ST3GAL3: variants seen among roughly 807,000 people sequenced by gnomAD.
ST3GAL3 encodes ST3 beta-galactoside alpha-2,3-sialyltransferase 3.
ST3GAL3 carries 21 observed loss-of-function variants against 50.1 expected under a neutral mutation model. That is an observed-to-expected ratio of 0.42 (90% confidence interval 0.30 to 0.60). The LOEUF (loss-of-function observed/expected upper bound fraction) is 0.60, where lower values mean the gene tolerates loss of function less well. Among genes scored for constraint, ST3GAL3 ranks in the 20% least tolerant of loss-of-function variants. The pLI is 0.19. For missense variants in ST3GAL3, 353 were observed against 489.4 expected (o/e 0.72, Z 2.63); for synonymous variants, 183 against 190.0 (o/e 0.96, Z 0.30).
At chr1:43,916,522 A>G (rs1365901120) in intron 9 of ST3GAL3, 1 of 152,274 alleles carries the variant, frequency 6.6e-6, no homozygotes, top group South Asian at 2.1e-4. Context: ...TGGGAAAACT[A>G]GAAACAATTT....
chr1:43,831,539 G>T (rs2063549732), intron 4 of ST3GAL3: 1 of 152,208 alleles, frequency 6.6e-6, no homozygotes. Context: ...ATCATTGCTG[G>T]AAAGTTTCAT....
intron 10 of ST3GAL3, 109 bp from the exon 11 acceptor site, chr1:43,920,673 G>A (rs1256525930): frequency 6.8e-6 from 11 of 1,608,898 alleles, no homozygotes; most frequent in Non-Finnish European, 7.7e-6. Flanking sequence ...AGAGGGCTCA[G>A]TCCTTGGGCA....
At chr1:43,886,703 A>G (rs763660227) in intron 5 of ST3GAL3, among the ~76,000 whole-genome samples, 6 of 152,180 alleles carry the variant, frequency 3.9e-5, no homozygotes, top group Admixed American at 3.3e-4. Context: ...TAAAATCTAG[A>G]TTGCATTAGA....
At chr1:43,893,518 T>G (rs1037057760) in intron 5 of ST3GAL3, among the ~76,000 whole-genome samples, 1 of 149,996 alleles carries the variant, frequency 6.7e-6, no homozygotes, top group Non-Finnish European at 1.5e-5. Context: ...TGCTGCACCT[T>G]CTCCCTCTTC....
At chr1:43,835,033 C>A (rs2064104323) in intron 4 of ST3GAL3, among the ~76,000 whole-genome samples, 1 of 152,138 alleles carries the variant, frequency 6.6e-6, no homozygotes, top group Non-Finnish European at 1.5e-5. Flanking sequence ...ATCTGGATTT[C>A]CTCTTGTGAG....
intron 5 of ST3GAL3, chr1:43,839,468 C>T (rs1198985629): frequency 3.3e-5 from 5 of 152,074 alleles, no homozygotes; most frequent in Non-Finnish European, 7.4e-5. Context: ...ATATAGGTTT[C>T]GTTTGCTTTT....
intron 9 of ST3GAL3, among the ~76,000 whole-genome samples, chr1:43,917,615 TATTATATTATATATAA>T (rs1484760772): frequency 1.3e-5 from 1 of 75,078 alleles, no homozygotes; most frequent in Non-Finnish European, 2.4e-5. Flanking sequence ...ATATATTATA[TATTATATTATATATAA>T]TATATAATAT....
At chr1:43,834,169 A>G (rs967799564) in intron 4 of ST3GAL3, among the ~76,000 whole-genome samples, 1 of 152,092 alleles carries the variant, frequency 6.6e-6, no homozygotes, top group Non-Finnish European at 1.5e-5. Flanking sequence ...TCAGAAAACA[A>G]ACACAACAAA....
chr1:43,907,605 A>G (rs897574306), intron 9 of ST3GAL3, among the ~76,000 whole-genome samples: 1 of 152,110 alleles, frequency 6.6e-6, no homozygotes, highest in African/African-American at 2.4e-5. Context: ...CCTGCTTCCC[A>G]TCTACAAACT....
At chr1:43,804,140 C>T (rs2059621214) in intron 3 of ST3GAL3, among the ~76,000 whole-genome samples, 1 of 152,170 alleles carries the variant, frequency 6.6e-6, no homozygotes, top group African/African-American at 2.4e-5. Flanking sequence ...ACTTTCATGC[C>T]ACTACCCGAG....
chr1:43,719,297 A>G (rs1669106585), intron 1 of ST3GAL3, among the ~76,000 whole-genome samples: 1 of 152,214 alleles, frequency 6.6e-6, no homozygotes, highest in African/African-American at 2.4e-5. Flanking sequence ...AGGGGAGTGT[A>G]GATCAAAACT....
chr1:43,841,651 T>C (rs2065397022), intron 5 of ST3GAL3: 1 of 152,258 alleles, frequency 6.6e-6, no homozygotes, highest in South Asian at 2.1e-4. Context: ...GGAACTATGA[T>C]GGAAGGGGCT....
intron 4 of ST3GAL3, among the ~76,000 whole-genome samples, chr1:43,819,683 T>C (rs2061842526): frequency 6.6e-6 from 1 of 152,178 alleles, no homozygotes; most frequent in African/African-American, 2.4e-5. Context: ...TTACATGGGT[T>C]TATGGTGTGA....
At chr1:43,855,482 C>T (rs111656461) in intron 5 of ST3GAL3, among the ~76,000 whole-genome samples, 2,361 of 152,020 alleles carry the variant, frequency 0.016, 67 homozygotes, top group African/African-American at 0.054. Flanking sequence ...TGGTGGTGGG[C>T]ACCTGTAATC....
At chr1:43,852,138 G>A (rs1264275796) in intron 5 of ST3GAL3, among the ~76,000 whole-genome samples, 2 of 152,156 alleles carry the variant, frequency 1.3e-5, no homozygotes, top group Non-Finnish European at 2.9e-5. Flanking sequence ...CCAGAGTCCT[G>A]CTTCTCTGGG....
chr1:43,774,073 G>A (rs1419604619), intron 2 of ST3GAL3, among the ~76,000 whole-genome samples: 4 of 146,312 alleles, frequency 2.7e-5, no homozygotes, highest in African/African-American at 9.7e-5. Flanking sequence ...ATTATAAGAG[G>A]CAAAAAAGAC....
At chr1:43,807,097 G>A (rs1188812980) in intron 3 of ST3GAL3, among the ~76,000 whole-genome samples, 4 of 152,192 alleles carry the variant, frequency 2.6e-5, no homozygotes, top group Admixed American at 6.5e-5. Context: ...CATTGAATAT[G>A]GCAGGGGTGA....
chr1:43,787,501 G>A (rs935267354), intron 2 of ST3GAL3, among the ~76,000 whole-genome samples: 1 of 152,176 alleles, frequency 6.6e-6, no homozygotes, highest in Non-Finnish European at 1.5e-5. Context: ...AACCTTTAAT[G>A]CTCACAGCAG....
intron 2 of ST3GAL3, among the ~76,000 whole-genome samples, chr1:43,791,536 G>A (rs2058080828): frequency 6.6e-6 from 1 of 152,178 alleles, no homozygotes. Flanking sequence ...TGCCTGCGGT[G>A]TTTGCGTAGG....
Sources: allele counts gnomAD v4.1 joint callset (sites outside exome capture counted in the v4.1 genomes callset), GRCh38; gene constraint gnomAD v4.1.1; transcripts MANE v1.5; gene names NCBI Gene and HGNC (gene_info 2026-07-23, HGNC 2026-07-21).